GATA6: variants seen among roughly 807,000 people sequenced by gnomAD.
GATA6 encodes the protein transcription factor GATA-6.
Under a neutral mutation model 48.1 loss-of-function variants are expected in GATA6, and 11 were observed. The ratio of observed to expected loss-of-function variants is 0.23; its 90% CI spans 0.14 to 0.38. The LOEUF (loss-of-function observed/expected upper bound fraction) is 0.38. Ranked by LOEUF, GATA6 falls within the 10% of genes least tolerant of loss-of-function variation. GATA6 has a pLI of 1.00. For missense variants in GATA6, 795 were observed against 850.3 expected, an observed-to-expected ratio of 0.93 and a Z score of 0.81; for synonymous variants, 419 against 396.1, an observed-to-expected ratio of 1.06 and a Z score of -0.69.
intron 6 of GATA6, among the ~76,000 whole-genome samples, chr18:22,193,629 G>C (rs1598741396): frequency 6.6e-6 from 1 of 152,218 alleles, no homozygotes; most frequent in East Asian, 1.9e-4. Context: ...CCGACAGTCT[G>C]CCTTGCAGTG....
At chr18:22,190,187 G>A (rs986115358) in intron 6 of GATA6, among the ~76,000 whole-genome samples, 2 of 152,156 alleles carry the variant, frequency 1.3e-5, no homozygotes. Flanking sequence ...ATGTATTTAA[G>A]ACAGTTAATG....
At chr18:22,182,874 A>G in intron 5 of GATA6, 30 bp downstream of exon 5, 2 of 1,599,346 alleles carry the variant, frequency 1.3e-6, no homozygotes, top group South Asian at 1.1e-5. Flanking sequence ...GTTTGACTGT[A>G]AAGTATTTGC....
chr18:22,199,528 T>TTA (rs538300483), intron 6 of GATA6, among the ~76,000 whole-genome samples: 207 of 152,350 alleles, frequency 1.4e-3, no homozygotes, highest in African/African-American at 4.8e-3. Context: ...TTTTACTAAA[T>TTA]TATATGATGT....
At chr18:22,200,515 T>C in intron 6 of GATA6, 141 bp from the exon 7 acceptor site, 1 of 1,055,576 alleles carries the variant, frequency 9.5e-7, no homozygotes, top group Non-Finnish European at 1.5e-6. Flanking sequence ...CCGGCTTCAT[T>C]TCTCCTGCCC....
At chr18:22,181,806 CAA>C (rs991319542) in intron 4 of GATA6, among the ~76,000 whole-genome samples, 5 of 151,978 alleles carry the variant, frequency 3.3e-5, no homozygotes, top group African/African-American at 7.3e-5. Context: ...CAGTAGGAAA[CAA>C]AAAATGCTAC....
Position 22,172,954 on chromosome 18 carries a change from T to C in GATA6, c.1135+675T>C, listed in dbSNP as rs1016857051. Among the ~76,000 whole-genome samples the C allele has an allele frequency of 6.6e-6, 1 of 152,162 alleles. No individual in the cohort carries two copies. Among genetic ancestry groups the C allele is most frequent in the Non-Finnish European group, 1.5e-5 (1 of 68,018 alleles). On this transcript the variant is annotated intron_variant, in intron 2 of 6. Coordinates refer to ENST00000269216, the MANE Select transcript of GATA6 (RefSeq NM_005257.6). This position sits in a 1 kb window ranked among gnomAD's most constrained non-coding sequence, Gnocchi z 5.2. ...GAAGGAGAGCTGGTGGATAGGCCCT[T>C]GGGCTTGGCATCAGCTGGGCCTTGG...
Position 22,171,669 on chromosome 18 carries a change from G to C in GATA6, c.525G>C (p.Ala175=). The change falls in exon 2 of 7, where the codon GCG becomes GCC. Residue 175 remains alanine, a synonymous_variant. Transcript: ENST00000269216. The surrounding 1 kb of genome is among the most constrained non-coding windows in gnomAD (Gnocchi z 7.1). ...APGGFVHSAA[A]AAAAAAAASS... ...GCGGCTTCGTGCACTCTGCGGCCGC[G>C]GCGGCAGCAGCCGCGGCGGCGGCCA... is the stretch of plus-strand genomic sequence containing the variant. 6.6e-7 allele frequency: 1 copy of C among 1,511,268 alleles called. No homozygotes were observed. Among genetic ancestry groups the C allele is most frequent in the Non-Finnish European group, 8.8e-7 (1 of 1,139,554 alleles). The allele number at this position is 1,511,268 out of a possible 1,614,324, so 93.6% of individuals were successfully genotyped here. A position where few individuals can be genotyped will look rare whatever the true frequency, so the allele number is the denominator to read the frequency against.
chr18:22,195,668 A>C (rs948639457), intron 6 of GATA6, among the ~76,000 whole-genome samples: 2 of 152,208 alleles, frequency 1.3e-5, no homozygotes, highest in Non-Finnish European at 2.9e-5. Flanking sequence ...CCTTTGTAAT[A>C]CTTACACATG....
At position 22,171,652 on chromosome 18, in the gene GATA6, G is replaced by A. The variant is rs1343278963; in HGVS notation, c.508G>A (p.Val170Met). 8.9e-6 allele frequency: 14 copies of A among 1,572,430 alleles called. No individual in the cohort carries two copies. Among genetic ancestry groups the A allele is most frequent in the Non-Finnish European group, 1.2e-5 (14 of 1,167,986 alleles). The change falls in exon 2 of 7, where the codon GTG (valine) becomes ATG (methionine). Residue 170 changes from valine (V) to methionine (M), a missense_variant. Val to Met is a conservative substitution (Grantham distance 21). Coordinates refer to ENST00000269216, the MANE Select transcript of GATA6 (RefSeq NM_005257.6). This position sits in a 1 kb window ranked among gnomAD's most constrained non-coding sequence, Gnocchi z 7.1. ...CTACGACGGCGCGCCCGGCGGCTTC[G>A]TGCACTCTGCGGCCGCGGCGGCAGC... The part of the protein sequence containing the change: ...AAYDGAPGGF[V>M]HSAAAAAAAA...
rs750215245 is a variant in GATA6, at chr18:22,200,738, T to C, written c.1703T>C (p.Leu568Pro). Residue 568 changes from leucine (L) to proline (P), a missense_variant, in exon 7 of 7, where the codon CTC becomes CCC. Coordinates refer to ENST00000269216, the MANE Select transcript of GATA6 (RefSeq NM_005257.6). ...CTCAAGTATTCGGGTCAAGATGGGC[T>C]CTACATAGGCGTCAGTCTCGCCTCG... ...SELKYSGQDG[L>P]YIGVSLASPA... 2.5e-6 allele frequency: 4 copies of C among 1,614,148 alleles called. No homozygotes were observed. The highest frequency in any genetic ancestry group is 1.7e-5 in the Admixed American group (1 of 60,024).
chr18:22,196,282 G>C (rs186973758), intron 6 of GATA6, among the ~76,000 whole-genome samples: 3 of 152,264 alleles, frequency 2.0e-5, no homozygotes. Flanking sequence ...TGGAATTTGA[G>C]GTCTGTCTGC....
At chr18:22,186,992 A>C (rs757489043) in intron 6 of GATA6, among the ~76,000 whole-genome samples, 4 of 152,256 alleles carry the variant, frequency 2.6e-5, no homozygotes, top group African/African-American at 9.6e-5. Context: ...ACTCACGGTC[A>C]TACAGCCCTG....
At chr18:22,189,946 G>T (rs1261132270) in intron 6 of GATA6, among the ~76,000 whole-genome samples, 2 of 152,232 alleles carry the variant, frequency 1.3e-5, no homozygotes, top group Admixed American at 6.5e-5. Flanking sequence ...GTCAAATTGA[G>T]ACGCGTGGTT....
chr18:22,184,697 C>T (rs991920444), intron 6 of GATA6, among the ~76,000 whole-genome samples: 20 of 151,836 alleles, frequency 1.3e-4, no homozygotes, highest in Admixed American at 6.6e-5. Context: ...CGGGGTTTCA[C>T]CATGTTGGCC....
At chr18:22,200,137 T>C (rs1037014753) in intron 6 of GATA6, among the ~76,000 whole-genome samples, 1 of 152,084 alleles carries the variant, frequency 6.6e-6, no homozygotes, top group Non-Finnish European at 1.5e-5. Flanking sequence ...TTCTAAAAAG[T>C]CTAAAAAGAC....
intron 6 of GATA6, among the ~76,000 whole-genome samples, chr18:22,199,029 G>A (rs902207718): frequency 3.9e-5 from 6 of 152,116 alleles, no homozygotes; most frequent in African/African-American, 1.2e-4. Context: ...TGGAGGGGTC[G>A]GGTTTGGTCT....
At chr18:22,169,733 C>A (rs887857153) in intron 1 of GATA6, 51 bp downstream of exon 1, 2 of 152,322 alleles carry the variant, frequency 1.3e-5, no homozygotes, top group Non-Finnish European at 1.5e-5. Flanking sequence ...CCCCTCCACC[C>A]CTACTCGTCG....
intron 6 of GATA6, among the ~76,000 whole-genome samples, chr18:22,194,194 A>G (rs1283194284): frequency 1.3e-5 from 2 of 152,182 alleles, no homozygotes; most frequent in African/African-American, 2.4e-5. Context: ...TACTCCTTTA[A>G]GAGGGAGTTT....
chr18:22,180,941 G>A (rs754138986), intron 3 of GATA6, among the ~76,000 whole-genome samples: 1 of 152,020 alleles, frequency 6.6e-6, no homozygotes, highest in Non-Finnish European at 1.5e-5. Flanking sequence ...TGCTGTCCAC[G>A]GTGGGGGGTG....
Sources: gnomAD v4.1 joint callset for allele counts (sites outside exome capture counted in the v4.1 genomes callset) on GRCh38, gnomAD v4.1.1 for gene constraint, Gnocchi (gnomAD v3.1) non-coding constraint, MANE v1.5 for transcripts, NCBI Gene and HGNC (gene_info 2026-07-23, HGNC 2026-07-21) for gene names.